The following MRPS28 variants were observed in gnomAD, a reference collection of about 807,000 sequenced individuals.
MRPS28 encodes mitochondrial ribosomal protein S28.
A neutral mutation model predicts 10.8 loss-of-function variants in MRPS28; 7 were observed. That is an observed-to-expected ratio of 0.65 (90% CI 0.37 to 1.22). The LOEUF is 1.22. MRPS28 is among the 50% of genes most tolerant of loss of function. The probability of loss-of-function intolerance (pLI) is 0.02; values close to 1 mark genes in which losing one functional copy is unlikely to be tolerated. For missense variants in MRPS28, 265 were observed against 232.9 expected (o/e 1.14, Z -0.90); for synonymous variants, 121 against 93.3 (o/e 1.30, Z -1.71).
chr8:79,986,877 T>A (rs1258214845), intron 2 of MRPS28, among the ~76,000 whole-genome samples: 4 of 151,998 alleles, frequency 2.6e-5, no homozygotes, highest in Non-Finnish European at 5.9e-5. Context: ...TTCAATGCCA[T>A]CCCCATCAAG....
At chr8:80,015,007 T>G (rs1215891398) in intron 1 of MRPS28, among the ~76,000 whole-genome samples, 1 of 152,158 alleles carries the variant, frequency 6.6e-6, no homozygotes. Flanking sequence ...GAAACCTCTG[T>G]GGGAACCAGT....
chr8:80,012,200 A>G (rs1035103718), intron 1 of MRPS28, among the ~76,000 whole-genome samples: 2 of 152,340 alleles, frequency 1.3e-5, no homozygotes, highest in South Asian at 4.1e-4. Flanking sequence ...TACCACAAGC[A>G]TAAGAACCCT....
At chr8:79,926,227 T>C (rs1810232151) in intron 2 of MRPS28, among the ~76,000 whole-genome samples, 1 of 152,146 alleles carries the variant, frequency 6.6e-6, no homozygotes. Context: ...AACTTGGCAG[T>C]AGTATTATGA....
chr8:79,927,735 T>C (rs1806330349), intron 2 of MRPS28, among the ~76,000 whole-genome samples: 1 of 152,224 alleles, frequency 6.6e-6, no homozygotes, highest in Non-Finnish European at 1.5e-5. Context: ...TTTAGGTCTG[T>C]CGTGATTTCT....
intron 1 of MRPS28, among the ~76,000 whole-genome samples, chr8:80,016,230 G>A (rs146856803): frequency 6.6e-6 from 1 of 152,064 alleles, no homozygotes; most frequent in East Asian, 1.9e-4. Flanking sequence ...ACTACATCTA[G>A]GCATATAGTA....
At chr8:79,976,460 A>C (rs1454690876) in intron 2 of MRPS28, among the ~76,000 whole-genome samples, 1 of 152,188 alleles carries the variant, frequency 6.6e-6, no homozygotes, top group Non-Finnish European at 1.5e-5. Flanking sequence ...ATCCCAGCAC[A>C]TTGAGAGGCC....
intron 1 of MRPS28, among the ~76,000 whole-genome samples, chr8:80,014,860 G>A (rs1266707820): frequency 6.6e-6 from 1 of 152,154 alleles, no homozygotes; most frequent in African/African-American, 2.4e-5. Context: ...CTGGAGATGT[G>A]TTTGATTGTC....
chr8:80,012,921 T>A (rs1232785042), intron 1 of MRPS28, among the ~76,000 whole-genome samples: 5 of 152,190 alleles, frequency 3.3e-5, no homozygotes, highest in Non-Finnish European at 5.9e-5. Flanking sequence ...TAAAAGAATA[T>A]GAGACATCAA....
At chr8:79,986,550 T>C (rs1261412991) in intron 2 of MRPS28, among the ~76,000 whole-genome samples, 1 of 152,222 alleles carries the variant, frequency 6.6e-6, no homozygotes, top group Non-Finnish European at 1.5e-5. Context: ...CAAAATCTCC[T>C]TAAGCTGATA....
At chr8:79,957,041 A>G (rs1807234407) in intron 2 of MRPS28, 2 of 152,124 alleles carry the variant, frequency 1.3e-5, no homozygotes, top group Non-Finnish European at 2.9e-5. Flanking sequence ...GGAGTCACCT[A>G]AGTCACTTGA....
At chr8:79,930,202 T>G (rs1472018688) in intron 2 of MRPS28, among the ~76,000 whole-genome samples, 2 of 152,202 alleles carry the variant, frequency 1.3e-5, no homozygotes, top group African/African-American at 4.8e-5. Flanking sequence ...TAAGTTGTGT[T>G]TCAGATAGGA....
chr8:79,944,668 TATTTA>T (rs1351569448), intron 2 of MRPS28, among the ~76,000 whole-genome samples: 1 of 151,084 alleles, frequency 6.6e-6, no homozygotes, highest in Non-Finnish European at 1.5e-5. Flanking sequence ...AGAATAATTC[TATTTA>T]AAGCCATAAT....
At chr8:79,980,431 CAAG>C (rs1220716207) in intron 2 of MRPS28, among the ~76,000 whole-genome samples, 1 of 152,180 alleles carries the variant, frequency 6.6e-6, no homozygotes, top group African/African-American at 2.4e-5. Context: ...ACTATGAAGA[CAAG>C]AACAGGCAGA....
At chr8:80,023,285 T>C (rs907418121) in intron 1 of MRPS28, among the ~76,000 whole-genome samples, 2 of 152,186 alleles carry the variant, frequency 1.3e-5, no homozygotes, top group African/African-American at 4.8e-5. Context: ...CTTAAAGTTG[T>C]CAGTAAAACT....
intron 2 of MRPS28, among the ~76,000 whole-genome samples, chr8:79,934,377 T>G (rs1020422601): frequency 2.0e-5 from 3 of 152,194 alleles, no homozygotes; most frequent in African/African-American, 7.2e-5. Flanking sequence ...TATAGTCTCC[T>G]TTCCCTTCCT....
chr8:80,014,482 G>A (rs1053023015), intron 1 of MRPS28, among the ~76,000 whole-genome samples: 1 of 152,134 alleles, frequency 6.6e-6, no homozygotes, highest in African/African-American at 2.4e-5. Flanking sequence ...AAATACGAGG[G>A]CTCCCAAAGG....
chr8:79,944,663 A>AT (rs1238316728), intron 2 of MRPS28, among the ~76,000 whole-genome samples: 8 of 151,228 alleles, frequency 5.3e-5, no homozygotes, highest in African/African-American at 1.9e-4. Context: ...ACTGAAGAAT[A>AT]ATTCTATTTA....
intron 2 of MRPS28, among the ~76,000 whole-genome samples, chr8:79,976,008 A>T (rs1807786408): frequency 6.6e-6 from 1 of 152,102 alleles, no homozygotes; most frequent in Non-Finnish European, 1.5e-5. Context: ...ACATATGTTT[A>T]TTTGGGAAGG....
chr8:79,970,524 T>C (rs1409129784), intron 2 of MRPS28, among the ~76,000 whole-genome samples: 1 of 152,202 alleles, frequency 6.6e-6, no homozygotes, highest in African/African-American at 2.4e-5. Flanking sequence ...CTAAATTCTG[T>C]CCTCTCCTGT....
Sources: gnomAD v4.1 joint callset for allele counts (sites outside exome capture counted in the v4.1 genomes callset) on GRCh38, gnomAD v4.1.1 for gene constraint, MANE v1.5 for transcripts, NCBI Gene and HGNC (gene_info 2026-07-23, HGNC 2026-07-21) for gene names.